MGAM2: variants seen among roughly 807,000 people sequenced by gnomAD.
MGAM2 encodes probable maltase-glucoamylase 2.
MGAM2 carries 98 observed loss-of-function variants against 96.1 expected under a neutral mutation model. That is an observed-to-expected ratio of 1.02 (90% CI 0.87 to 1.21). MGAM2 has a LOEUF of 1.21. MGAM2 is among the 50% of genes most tolerant of loss of function. The probability of loss-of-function intolerance (pLI) is 0.00; values close to 1 mark genes in which losing one functional copy is unlikely to be tolerated. For missense variants in MGAM2, 2,055 were observed against 1,182.4 expected (o/e 1.74, Z -10.82); for synonymous variants, 749 against 414.8 (o/e 1.81, Z -9.79).
rs1358190282 is a variant in MGAM2, at chr7:142,167,366, C to T, written c.2907C>T (p.Asp969=). ...IQYLNTSITA[D]LSLPMAPESA... The stretch of plus-strand genomic sequence containing the variant: ...ACCTGAACACCAGCATCACTGCAGA[C>T]CTTTCCCTCCCGATGGCCCCTGAGT... Residue 969 remains aspartate (D), a synonymous_variant, in exon 26 of 48, where the codon GAC becomes GAT. Transcript: ENST00000477922. The T allele has an allele frequency of 4.3e-6, 3 of 702,870 alleles. No homozygotes were observed. The highest frequency in any genetic ancestry group is 2.6e-6 in the Non-Finnish European group (1 of 384,958). The allele number at this position is 702,870 out of a possible 1,614,324, so 43.5% of individuals were successfully genotyped here. A position where few individuals can be genotyped will look rare whatever the true frequency, so the allele number is the denominator to read the frequency against.
At chr7:142,155,712 G>T (rs1795714549) in intron 17 of MGAM2, among the ~76,000 whole-genome samples, 1 of 152,172 alleles carries the variant, frequency 6.6e-6, no homozygotes, top group South Asian at 2.1e-4. Flanking sequence ...TCTTCATGAA[G>T]CTGTGTCCTG....
intron 3 of MGAM2, among the ~76,000 whole-genome samples, chr7:142,123,559 G>A (rs576602849): frequency 6.6e-6 from 1 of 152,112 alleles, no homozygotes; most frequent in South Asian, 2.1e-4. Flanking sequence ...CTTTAGAAAT[G>A]CTTATTGGCT....
At position 142,221,145 on chromosome 7, in the gene MGAM2, A is replaced by G. The variant is rs1037381177; in HGVS notation, c.6634A>G (p.Met2212Val). ...TTSFSESTNAMNTTVIMATTS... is the reference protein window; with the variant it reads ...TTSFSESTNAVNTTVIMATTS... ...TTCTTTCTCTGAAAGTACTAATGCT[A>G]TGAACACTACTGTTATTATGGCAAC... Residue 2212 changes from methionine to valine, a missense_variant, in exon 48 of 48, where the codon ATG (methionine) becomes GTG (valine). Transcript: ENST00000477922. 4 of 702,578 alleles carry G rather than the reference A, an allele frequency of 5.7e-6. No homozygotes were observed. Among genetic ancestry groups the G allele is most frequent in the Non-Finnish European group, 1.0e-5 (4 of 384,774 alleles). 43.5% of individuals were successfully genotyped at this position (702,578 alleles called of 1,614,324 possible).
At position 142,175,690 on chromosome 7, in the gene MGAM2, G is replaced by C. The variant is rs752653473; in HGVS notation, c.3726G>C (p.Lys1242Asn). Residue 1242 changes from lysine (K) to asparagine (N), a missense_variant, in exon 32 of 48, where the codon AAG becomes AAC. Physicochemically the swap from Lys to Asn is moderately conservative, Grantham distance 94. Transcript: ENST00000477922. ...QHVDIDYMNRKLDFTLSANFQ... is the reference protein window; with the variant it reads ...QHVDIDYMNRNLDFTLSANFQ... Reference sequence around the variant, plus strand: ...TAGACATCGATTACATGAACCGGAAGCTGGATTTCACCCTCAGTGCCAACT... The same window carrying C: ...TAGACATCGATTACATGAACCGGAACCTGGATTTCACCCTCAGTGCCAACT... 17 of 702,718 alleles carry C rather than the reference G, an allele frequency of 2.4e-5. No individual in the cohort carries two copies. Among genetic ancestry groups the C allele is most frequent in the Non-Finnish European group, 4.2e-5 (16 of 384,982 alleles). The allele number at this position is 702,718 out of a possible 1,614,324, so 43.5% of individuals were successfully genotyped here.
At chr7:142,124,881 A>G (rs1224601703) in intron 3 of MGAM2, among the ~76,000 whole-genome samples, 1 of 152,026 alleles carries the variant, frequency 6.6e-6, no homozygotes, top group Non-Finnish European at 1.5e-5. Flanking sequence ...TGATTTTTGA[A>G]TACTGATCTT....
intron 3 of MGAM2, among the ~76,000 whole-genome samples, chr7:142,126,257 G>A (rs138677107): frequency 4.6e-5 from 7 of 151,960 alleles, no homozygotes; most frequent in Non-Finnish European, 1.0e-4. Flanking sequence ...ATATATGAAC[G>A]AATTCAAATT....
At position 142,197,651 on chromosome 7, in the gene MGAM2, G is replaced by T. The variant is rs1797090049; in HGVS notation, c.4789G>T (p.Asp1597Tyr). Residue 1597 changes from aspartate to tyrosine, a missense_variant, in exon 42 of 48, where the codon GAT becomes TAT. By Grantham distance (160) the Asp-to-Tyr change is radical. Coordinates refer to ENST00000477922, the MANE Select transcript of MGAM2 (RefSeq NM_001293626.2). ...VVRPLLHEFT[D>Y]DRTTWDIDRQ... ...CCTGTTTATTTTTTTAAGGTTTACG[G>T]ATGACAGGACAACATGGGATATAGA... The T allele has an allele frequency of 7.1e-6, 5 of 702,838 alleles. No homozygotes were observed. The highest frequency in any genetic ancestry group is 1.3e-5 in the Non-Finnish European group (5 of 385,012). 43.5% of individuals were successfully genotyped at this position (702,838 alleles called of 1,614,324 possible). A position where few individuals can be genotyped will look rare whatever the true frequency, so the allele number is the denominator to read the frequency against.
chr7:142,114,211 AAAGAG>A (rs1817301367), intron 1 of MGAM2, among the ~76,000 whole-genome samples: 1 of 92,672 alleles, frequency 1.1e-5, no homozygotes, highest in African/African-American at 5.9e-5. Context: ...AGAAAGAAAG[AAAGAG>A]AGAAAGAAAG....
intron 14 of MGAM2, among the ~76,000 whole-genome samples, chr7:142,146,142 G>GTTTTTTTT (rs71166565): frequency 3.7e-5 from 4 of 108,970 alleles, no homozygotes; most frequent in Non-Finnish European, 5.5e-5. Context: ...AGTTTATCAT[G>GTTTTTTTT]TTTTTTTTTT....
At chr7:142,137,212 A>G (rs976774738) in intron 8 of MGAM2, among the ~76,000 whole-genome samples, 61 of 124,956 alleles carry the variant, frequency 4.9e-4, no homozygotes, top group African/African-American at 1.9e-3. Flanking sequence ...GTTCTTCTTT[A>G]TCTTAAAAAA....
In MGAM2 at chr7:142,195,825, A is replaced by T. The variant is rs548085957; in HGVS notation, c.4347-329A>T. Among the ~76,000 whole-genome samples, 5 of 152,246 alleles carry T rather than the reference A, an allele frequency of 3.3e-5. No individual in the cohort carries two copies. In the South Asian group the frequency reaches 1.0e-3, roughly 32 times the overall value. ...TGATGTTATGAGACACCACATAGGAAAGTGACCGGTATAATACTGGAATAG... is the reference window on the plus strand; with the variant it reads ...TGATGTTATGAGACACCACATAGGATAGTGACCGGTATAATACTGGAATAG... On this transcript the variant is annotated intron_variant, in intron 37 of 47. Coordinates refer to ENST00000477922, the MANE Select transcript of MGAM2 (RefSeq NM_001293626.2).
At chr7:142,158,168 T>C in intron 18 of MGAM2, 77 bp downstream of exon 18, 1 of 700,586 alleles carries the variant, frequency 1.4e-6, no homozygotes, top group Non-Finnish European at 2.6e-6. Flanking sequence ...CAAGGTTAGT[T>C]AGGATCTTGT....
intron 3 of MGAM2, among the ~76,000 whole-genome samples, chr7:142,121,091 A>T (rs1031567411): frequency 6.6e-6 from 1 of 152,236 alleles, no homozygotes; most frequent in Non-Finnish European, 1.5e-5. Context: ...TTTAAACAAT[A>T]TTCACATTTT....
intron 45 of MGAM2, among the ~76,000 whole-genome samples, chr7:142,205,182 G>A (rs192691806): frequency 6.6e-5 from 10 of 152,070 alleles, no homozygotes; most frequent in Non-Finnish European, 1.5e-4. Flanking sequence ...CATGACAAGT[G>A]CTTGGTATAT....
intron 3 of MGAM2, among the ~76,000 whole-genome samples, chr7:142,127,698 C>T (rs995324802): frequency 1.3e-5 from 2 of 152,084 alleles, no homozygotes; most frequent in Non-Finnish European, 2.9e-5. Context: ...GGGGAGTTCC[C>T]CTGCACAAGC....
Position 142,196,782 on chromosome 7 carries a change from C to A in MGAM2, c.4598C>A (p.Pro1533Gln), listed in dbSNP as rs764059435. The change falls in exon 40 of 48, where the codon CCA (proline) becomes CAA (glutamine). Residue 1533 changes from proline (P) to glutamine (Q), a missense_variant. Transcript: ENST00000477922. ...VRWMQLGAFY[P>Q]FSRNHNNIGT... is the part of the protein sequence containing the mutation. The stretch of plus-strand genomic sequence containing the variant: ...TGGATGCAACTGGGGGCATTTTATC[C>A]ATTTTCCAGAAACCACAACAACATC... 1 of 784,424 alleles carries A rather than the reference C, an allele frequency of 1.3e-6. No individual in the cohort carries two copies. Among genetic ancestry groups the A allele is most frequent in the East Asian group, 2.4e-5 (1 of 41,234 alleles). 48.6% of individuals were successfully genotyped at this position (784,424 alleles called of 1,614,324 possible). A position where few individuals can be genotyped will look rare whatever the true frequency, so the allele number is the denominator to read the frequency against.
At chr7:142,140,773 G>A (rs1171651864) in intron 10 of MGAM2, 29 bp from the exon 11 acceptor site, 1 of 695,890 alleles carries the variant, frequency 1.4e-6, no homozygotes, top group South Asian at 1.5e-5. Flanking sequence ...CTGTTTCCTA[G>A]GTTCTGATTG....
rs1446401910 is a variant in MGAM2, at chr7:142,138,529, C to A, written c.961-13C>A. 1 of 702,292 alleles carries A rather than the reference C, an allele frequency of 1.4e-6. No individual in the cohort carries two copies. The highest frequency in any genetic ancestry group is 2.7e-5 in the East Asian group (1 of 37,264). The allele number at this position is 702,292 out of a possible 1,614,324, so 43.5% of individuals were successfully genotyped here. ...GTTATTCTCAAAGCCTACACACTTACTTATCTTTTCAGCTTGTTGGACGGC... is the reference window on the plus strand; with the variant it reads ...GTTATTCTCAAAGCCTACACACTTAATTATCTTTTCAGCTTGTTGGACGGC... On this transcript the variant is annotated splice_polypyrimidine_tract_variant and intron_variant, in intron 9 of 47. Transcript: ENST00000477922.
At position 142,172,994 on chromosome 7, in the gene MGAM2, C is replaced by T. The variant is rs988593747; in HGVS notation, c.3561+230C>T. Reference sequence around the variant, plus strand: ...CTAAGAATTGCTAATCAGTAATAACCGGCAAATTCTCAGGTTTCCTAGAAT... The same window carrying T: ...CTAAGAATTGCTAATCAGTAATAACTGGCAAATTCTCAGGTTTCCTAGAAT... On this transcript the variant is annotated intron_variant, in intron 30 of 47. Transcript: ENST00000477922. Among the ~76,000 whole-genome samples the T allele has an allele frequency of 1.1e-4, 17 of 152,252 alleles. No individual in the cohort carries two copies. The East Asian group carries it at 1.9e-3, about 17-fold the overall frequency.
Sources: allele counts gnomAD v4.1 joint callset (sites outside exome capture counted in the v4.1 genomes callset), GRCh38; gene constraint gnomAD v4.1.1; transcripts MANE v1.5; gene names NCBI Gene and HGNC (gene_info 2026-07-23, HGNC 2026-07-21).